The following HDAC9 variants were observed in gnomAD, a reference collection of about 807,000 sequenced individuals.
HDAC9 encodes MEF-2 interacting transcription repressor (MITR) protein.
HDAC9 carries 41 observed loss-of-function variants against 139.4 expected under a neutral mutation model. The observed-to-expected ratio is 0.29, with a 90% CI of 0.23 to 0.38. HDAC9 has a LOEUF of 0.38. HDAC9 is among the 10% of genes least tolerant of loss of function. The pLI is 1.00. For synonymous variants in HDAC9, 517 were observed against 476.2 expected, an observed-to-expected ratio of 1.09 and a Z score of -1.12; for missense variants, 1,147 against 1,297.0, an observed-to-expected ratio of 0.88 and a Z score of 1.78.
At chr7:18,528,267 A>T (rs568610529) in intron 2 of HDAC9, among the ~76,000 whole-genome samples, 3 of 150,868 alleles carry the variant, frequency 2.0e-5, no homozygotes, top group Non-Finnish European at 3.0e-5. Context: ...TTTTTTTTTT[A>T]AATTAGGTCG....
At chr7:18,414,765 A>G (rs1209411387) in intron 1 of HDAC9, among the ~76,000 whole-genome samples, 3 of 152,230 alleles carry the variant, frequency 2.0e-5, no homozygotes, top group African/African-American at 7.2e-5. Context: ...AAGAATGAAT[A>G]TAACTTAAGA....
chr7:18,550,291 G>A (rs941764244), intron 2 of HDAC9, among the ~76,000 whole-genome samples: 2 of 152,008 alleles, frequency 1.3e-5, no homozygotes, highest in African/African-American at 4.8e-5. Context: ...TACTATATTC[G>A]ATCCCATTTT....
intron 13 of HDAC9, among the ~76,000 whole-genome samples, chr7:18,737,026 G>T (rs1025902368): frequency 6.6e-6 from 1 of 152,166 alleles, no homozygotes; most frequent in Non-Finnish European, 1.5e-5. Context: ...TTGCATAGAG[G>T]TGTTCATAGT....
chr7:18,786,619 C>CCTTCCTTCCT (rs1562940735), intron 16 of HDAC9, among the ~76,000 whole-genome samples: 3 of 17,286 alleles, frequency 1.7e-4, no homozygotes, highest in Non-Finnish European at 3.3e-4. Flanking sequence ...CCTTCCTTCC[C>CCTTCCTTCCT]TCCCTCCCTC....
At chr7:18,148,579 C>A (rs777444573) in intron 1 of HDAC9, among the ~76,000 whole-genome samples, 7 of 152,196 alleles carry the variant, frequency 4.6e-5, no homozygotes, top group Non-Finnish European at 8.8e-5. Flanking sequence ...ACCTCAGCCT[C>A]CTGAGTAGCT....
chr7:18,453,583 C>T (rs1793078386), intron 1 of HDAC9, among the ~76,000 whole-genome samples: 1 of 152,152 alleles, frequency 6.6e-6, no homozygotes, highest in African/African-American at 2.4e-5. Flanking sequence ...GTTGTGGTGA[C>T]ACAAGTGCCA....
At chr7:18,614,511 C>T (rs1838056907) in intron 6 of HDAC9, among the ~76,000 whole-genome samples, 2 of 151,426 alleles carry the variant, frequency 1.3e-5, no homozygotes, top group Admixed American at 6.6e-5. Flanking sequence ...ATTTTTTTTT[C>T]TTCCATAATG....
chr7:18,836,366 CA>C (rs1796237061), intron 21 of HDAC9, among the ~76,000 whole-genome samples: 1 of 152,162 alleles, frequency 6.6e-6, no homozygotes, highest in Non-Finnish European at 1.5e-5. Flanking sequence ...AAGCATTTCT[CA>C]AACTTCATTG....
intron 9 of HDAC9, among the ~76,000 whole-genome samples, chr7:18,645,404 C>T (rs774074788): frequency 9.2e-5 from 14 of 152,134 alleles, no homozygotes; most frequent in Non-Finnish European, 1.3e-4. Flanking sequence ...GTCCTGACAA[C>T]TGAAATAGGC....
intron 1 of HDAC9, among the ~76,000 whole-genome samples, chr7:18,346,182 A>T (rs1306736952): frequency 6.6e-6 from 1 of 152,258 alleles, no homozygotes; most frequent in African/African-American, 2.4e-5. Flanking sequence ...CCTTCCTAGG[A>T]TAGCAGTAAT....
intron 12 of HDAC9, among the ~76,000 whole-genome samples, chr7:18,675,618 C>T (rs1781453316): frequency 6.6e-6 from 1 of 151,982 alleles, no homozygotes; most frequent in Non-Finnish European, 1.5e-5. Flanking sequence ...GAATAATTTT[C>T]TCTTCTGTAA....
In HDAC9 at chr7:18,996,118, A is replaced by G; in HGVS notation, c.*56A>G. 1 of 1,287,202 alleles carries G rather than the reference A, an allele frequency of 7.8e-7. No individual in the cohort carries two copies. The highest frequency in any genetic ancestry group is 1.9e-5 in the Admixed American group (1 of 52,028). 79.7% of individuals were successfully genotyped at this position (1,287,202 alleles called of 1,614,324 possible). On this transcript the variant is annotated 3_prime_UTR_variant, in exon 26 of 26. Transcript: ENST00000686413. ...GTGTGACATCATTGTGTATCCCCCCACCCCAGTACCCTCAGACATGTCTTG... is the reference window on the plus strand; with the variant it reads ...GTGTGACATCATTGTGTATCCCCCCGCCCCAGTACCCTCAGACATGTCTTG...
At chr7:18,451,507 T>C (rs1379141497) in intron 1 of HDAC9, among the ~76,000 whole-genome samples, 1 of 151,548 alleles carries the variant, frequency 6.6e-6, no homozygotes, top group Admixed American at 6.6e-5. Flanking sequence ...TAGATAGATA[T>C]GCATAAATAA....
chr7:18,121,388 G>C (rs1784357863), intron 1 of HDAC9, among the ~76,000 whole-genome samples: 1 of 152,106 alleles, frequency 6.6e-6, no homozygotes, highest in African/African-American at 2.4e-5. Context: ...TGTGGCAGCA[G>C]CTTTAGCTGC....
intron 2 of HDAC9, among the ~76,000 whole-genome samples, chr7:18,581,031 A>G (rs1415722473): frequency 1.3e-5 from 2 of 152,154 alleles, no homozygotes; most frequent in African/African-American, 4.8e-5. Context: ...TGGCTATGAT[A>G]TGATTATGAT....
At chr7:18,980,087 C>G (rs1417364154) in intron 25 of HDAC9, among the ~76,000 whole-genome samples, 2 of 152,130 alleles carry the variant, frequency 1.3e-5, no homozygotes, top group African/African-American at 2.4e-5. Flanking sequence ...AAAGAAAAAT[C>G]TGCCCCCTCT....
intron 2 of HDAC9, among the ~76,000 whole-genome samples, chr7:18,566,555 G>A (rs1299220420): frequency 6.6e-6 from 1 of 152,114 alleles, no homozygotes; most frequent in Non-Finnish European, 1.5e-5. Context: ...GAATAGCTTT[G>A]GCAGTAGAGG....
intron 24 of HDAC9, among the ~76,000 whole-genome samples, chr7:18,974,481 G>A (rs1264141018): frequency 2.0e-5 from 3 of 152,142 alleles, no homozygotes; most frequent in Admixed American, 1.3e-4. Context: ...TTGTGTCCTC[G>A]ACATGTGGAA....
intron 6 of HDAC9, among the ~76,000 whole-genome samples, chr7:18,623,109 A>T (rs888362694): frequency 2.0e-5 from 3 of 150,726 alleles, no homozygotes; most frequent in Non-Finnish European, 2.9e-5. Flanking sequence ...ATCCCACTGC[A>T]CTCCAGCCTG....
Sources: allele counts gnomAD v4.1 joint callset (sites outside exome capture counted in the v4.1 genomes callset), GRCh38; gene constraint gnomAD v4.1.1; transcripts MANE v1.5; gene names NCBI Gene and HGNC (gene_info 2026-07-23, HGNC 2026-07-21).